The following CA1 variants were observed in gnomAD, a reference collection of about 807,000 sequenced individuals.
CA1 encodes carbonic anhydrase 1, also known as carbonate dehydratase I.
A neutral mutation model predicts 28.8 loss-of-function variants in CA1; 27 were observed. The observed-to-expected ratio is 0.94, with a 90% CI of 0.69 to 1.29. The LOEUF (loss-of-function observed/expected upper bound fraction) is 1.29, where lower values mean the gene tolerates loss of function less well. Ranked by LOEUF, CA1 falls within the 50% of genes most tolerant of loss-of-function variation. CA1 has a pLI of 0.00. For missense variants in CA1, 335 were observed against 310.5 expected (o/e 1.08, Z -0.59); for synonymous variants, 121 against 108.8 (o/e 1.11, Z -0.70).
At chr8:85,353,813 G>A (rs1382877087) in intron 1 of CA1, among the ~76,000 whole-genome samples, 1 of 152,058 alleles carries the variant, frequency 6.6e-6, no homozygotes, top group Non-Finnish European at 1.5e-5. Context: ...CCTTGTATAT[G>A]GAGAGGACTG....
Position 85,333,649 on chromosome 8 carries a change from A to AT in CA1, c.355-30dup, listed in dbSNP as rs1451694286. On this transcript the variant is annotated intron_variant, in intron 4 of 7. Coordinates refer to ENST00000523022, the MANE Select transcript of CA1 (RefSeq NM_001128831.4). Reference sequence around the variant, plus strand: ...AAAATGATACTATGGTTAATTAATTATTTATACCAGTGTGATGAAAAAAGA... The same window carrying AT: ...AAAATGATACTATGGTTAATTAATTATTTTATACCAGTGTGATGAAAAAAGA... 3.0e-6 allele frequency: 4 copies of AT among 1,341,150 alleles called. No individual in the cohort carries two copies. In the African/African-American group the frequency reaches 5.8e-5, roughly 19 times the overall value. 83.1% of individuals were successfully genotyped at this position (1,341,150 alleles called of 1,614,324 possible).
chr8:85,333,624 A>G lies in CA1; in HGVS notation c.355-4T>C, dbSNP rs200315020. The G allele has an allele frequency of 1.5e-5, 23 of 1,571,462 alleles. No individual in the cohort carries two copies. The East Asian group carries it at 4.7e-4, about 32-fold the overall frequency. On this transcript the variant is annotated splice_region_variant and splice_polypyrimidine_tract_variant and intron_variant, in intron 4 of 7. Coordinates refer to ENST00000523022, the MANE Select transcript of CA1 (RefSeq NM_001128831.4). ...AATTCCAGTGAGCTACGTGAAGCTA[A>G]AAATGATACTATGGTTAATTAATTA...
chr8:85,350,491 A>C (rs952436762), intron 1 of CA1, among the ~76,000 whole-genome samples: 1 of 152,184 alleles, frequency 6.6e-6, no homozygotes, highest in African/African-American at 2.4e-5. Flanking sequence ...AATATGCAAC[A>C]CTTGGACATT....
At chr8:85,350,789 A>T (rs761821063) in intron 1 of CA1, among the ~76,000 whole-genome samples, 1 of 152,180 alleles carries the variant, frequency 6.6e-6, no homozygotes, top group Non-Finnish European at 1.5e-5. Flanking sequence ...AACCAAGCTC[A>T]GTTAGAATGA....
At chr8:85,371,093 T>C (rs1161807681) in intron 1 of CA1, among the ~76,000 whole-genome samples, 2 of 152,156 alleles carry the variant, frequency 1.3e-5, no homozygotes, top group African/African-American at 4.8e-5. Flanking sequence ...ATCTAACTTA[T>C]GTGCAGTTAG....
intron 1 of CA1, among the ~76,000 whole-genome samples, chr8:85,368,951 A>G (rs1008790338): frequency 1.3e-5 from 2 of 152,118 alleles, no homozygotes; most frequent in African/African-American, 4.8e-5. Context: ...TTTTGGGGTC[A>G]TGGGTTTTTT....
chr8:85,349,336 G>C (rs566180355), intron 1 of CA1, among the ~76,000 whole-genome samples: 3 of 152,294 alleles, frequency 2.0e-5, no homozygotes, highest in African/African-American at 7.2e-5. Flanking sequence ...TAAGCCACTT[G>C]TCCAAAGTCA....
chr8:85,348,365 TAA>T (rs1253002403), intron 1 of CA1, among the ~76,000 whole-genome samples: 1 of 152,244 alleles, frequency 6.6e-6, no homozygotes, highest in Non-Finnish European at 1.5e-5. Context: ...GAGCCATGAT[TAA>T]GTAAAGACAG....
At chr8:85,335,725 A>G (rs1342887696) in intron 4 of CA1, among the ~76,000 whole-genome samples, 1 of 152,162 alleles carries the variant, frequency 6.6e-6, no homozygotes, top group South Asian at 2.1e-4. Context: ...ACTACCAACT[A>G]TCCTTCCAAA....
At chr8:85,341,554 G>A (rs755611597) in intron 2 of CA1, 45 bp downstream of exon 2, 6 of 1,177,452 alleles carry the variant, frequency 5.1e-6, no homozygotes, top group Admixed American at 5.1e-5. Context: ...GTTGGAAATG[G>A]GAACAAGTTA....
chr8:85,344,179 AATATATAATTATATAT>A (rs1809044207), intron 1 of CA1, among the ~76,000 whole-genome samples: 2 of 118,496 alleles, frequency 1.7e-5, no homozygotes, highest in Non-Finnish European at 3.2e-5. Flanking sequence ...TACTGTATAT[AATATATAATTATATAT>A]TATACAGTAT....
intron 7 of CA1, 45 bp downstream of exon 7, chr8:85,329,644 T>C (rs970395038): frequency 2.1e-5 from 31 of 1,508,808 alleles, no homozygotes; most frequent in Non-Finnish European, 2.8e-5. Flanking sequence ...ATTAAAGTAA[T>C]ATTCCTGCTA....
intron 1 of CA1, among the ~76,000 whole-genome samples, chr8:85,363,387 A>G (rs879726033): frequency 1.3e-5 from 2 of 152,170 alleles, no homozygotes; most frequent in Non-Finnish European, 2.9e-5. Flanking sequence ...TGAAAATGTC[A>G]GTTCTTTAAC....
chr8:85,360,914 A>G (rs149696605), intron 1 of CA1, among the ~76,000 whole-genome samples: 4 of 152,308 alleles, frequency 2.6e-5, no homozygotes, highest in East Asian at 1.9e-4. Flanking sequence ...GTGCACCACC[A>G]TCTGCCATCA....
chr8:85,366,228 G>T (rs1395403525), intron 1 of CA1, among the ~76,000 whole-genome samples: 1 of 147,658 alleles, frequency 6.8e-6, no homozygotes, highest in Non-Finnish European at 1.5e-5. Context: ...GCCCAGGCTG[G>T]TTTTGAACTC....
In CA1 at chr8:85,337,666, A is replaced by G. The variant is rs118074230; in HGVS notation, c.235+586T>C. 8.7e-3 allele frequency among the ~76,000 whole-genome samples: 1,331 copies of G among 152,312 alleles called. 18 individuals are homozygous for G. Among genetic ancestry groups the G allele is most frequent in the East Asian group, 0.063 (326 of 5,184 alleles). On this transcript the variant is annotated intron_variant, in intron 3 of 7. Transcript: ENST00000523022. ...TACCAGACCTAATCTAATATTAATA[A>G]TGGACATAGTCCCAAGGTGCCTAAA...
chr8:85,360,461 G>A (rs1465581976), intron 1 of CA1, among the ~76,000 whole-genome samples: 1 of 152,150 alleles, frequency 6.6e-6, no homozygotes, highest in Admixed American at 6.6e-5. Context: ...GGTGGTCAAG[G>A]CAGGAGTATC....
chr8:85,334,323 C>A (rs1195567092), intron 4 of CA1, among the ~76,000 whole-genome samples: 1 of 152,154 alleles, frequency 6.6e-6, no homozygotes, highest in Non-Finnish European at 1.5e-5. Context: ...TTGCTTTCCC[C>A]ACCTATCAAC....
rs796390905 is a variant in CA1 at position 85,327,897 on chromosome 8, G to A, written c.*663C>T. 2 of 152,116 alleles carry A rather than the reference G, an allele frequency of 1.3e-5. No homozygotes were observed. The highest frequency in any genetic ancestry group is 2.9e-5 in the Non-Finnish European group (2 of 68,018). 9.4% of individuals were successfully genotyped at this position (152,116 alleles called of 1,614,324 possible). A position where few individuals can be genotyped will look rare whatever the true frequency, so the allele number is the denominator to read the frequency against. On this transcript the variant is annotated 3_prime_UTR_variant, in exon 8 of 8. Transcript: ENST00000523022. ...TGCAAACTAACTAGTTGTAATAATG[G>A]CAGAGAAGCATTGTCCTTGCTAACG...
Sources: allele counts gnomAD v4.1 joint callset (sites outside exome capture counted in the v4.1 genomes callset), GRCh38; gene constraint gnomAD v4.1.1; transcripts MANE v1.5; gene names NCBI Gene and HGNC (gene_info 2026-07-23, HGNC 2026-07-21).